The following HNRNPC variants were observed in gnomAD, a reference collection of about 807,000 sequenced individuals.
HNRNPC encodes heterogeneous nuclear ribonucleoproteins C1/C2.
A neutral mutation model predicts 33.2 loss-of-function variants in HNRNPC; 3 were observed. That is an observed-to-expected ratio of 0.09 (90% CI 0.04 to 0.23). The LOEUF (loss-of-function observed/expected upper bound fraction) is 0.23, where lower values mean the gene tolerates loss of function less well. Ranked by LOEUF, HNRNPC falls within the 10% of genes least tolerant of loss-of-function variation. The probability of loss-of-function intolerance (pLI) is 1.00; values close to 1 mark genes in which losing one functional copy is unlikely to be tolerated. For missense variants in HNRNPC, 143 were observed against 366.7 expected, an observed-to-expected ratio of 0.39 and a Z score of 4.98; for synonymous variants, 121 against 126.7, an observed-to-expected ratio of 0.96 and a Z score of 0.30.
At chr14:21,231,435 CAGCCTAGACCTCCGA>C in intron 3 of HNRNPC, 1 of 458,588 alleles carries the variant, frequency 2.2e-6, no homozygotes, top group Non-Finnish European at 4.4e-6. Flanking sequence ...TGGCTCAATA[CAGCCTAGACCTCCGA>C]AGCTCAGGTG....
chr14:21,223,845 G>A (rs1211754991), intron 5 of HNRNPC, among the ~76,000 whole-genome samples: 1 of 152,122 alleles, frequency 6.6e-6, no homozygotes, highest in Non-Finnish European at 1.5e-5. Flanking sequence ...GCACCTATAT[G>A]TATGATACAC....
intron 1 of HNRNPC, among the ~76,000 whole-genome samples, chr14:21,267,931 A>T (rs1251007154): frequency 1.3e-5 from 2 of 152,204 alleles, no homozygotes; most frequent in Non-Finnish European, 2.9e-5. Flanking sequence ...TTCCTGTAAT[A>T]ATATACATGT....
intron 2 of HNRNPC, among the ~76,000 whole-genome samples, chr14:21,236,816 G>T (rs1355150916): frequency 6.6e-6 from 1 of 152,062 alleles, no homozygotes; most frequent in Non-Finnish European, 1.5e-5. Context: ...AGTAGTTTTT[G>T]AATCTCTGAC....
chr14:21,264,970 T>A (rs1248615790), intron 1 of HNRNPC: 1 of 152,094 alleles, frequency 6.6e-6, no homozygotes, highest in Non-Finnish European at 1.5e-5. Flanking sequence ...TGAGCTCTGA[T>A]CACGCCACTG....
Position 21,231,000 on chromosome 14 carries a change from T to C in HNRNPC, c.314A>G (p.Tyr105Cys). Reference sequence around the variant, plus strand: ...AGAAGGGTGTTCTGTTACTGACCCGTACATCTCCGCTGCAGATCGTTTCAC... The same window carrying C: ...AGAAGGGTGTTCTGTTACTGACCCGCACATCTCCGCTGCAGATCGTTTCAC... ...AGVKRSAAEM[Y>C]GSSFDLDYDF... is the part of the protein sequence containing the mutation. The change falls in exon 4 of 9, where the codon TAC (tyrosine) becomes TGC (cysteine). Residue 105 changes from tyrosine (Y) to cysteine (C), a missense_variant. By Grantham distance (194) the Tyr-to-Cys change is radical. Around this residue, in one of 2 missense-constraint regions of HNRNPC, gnomAD observed 131 missense variants for 253.0 expected, o/e 0.52. Transcript: ENST00000553300. 1 of 1,614,188 alleles carries C rather than the reference T, an allele frequency of 6.2e-7. No individual in the cohort carries two copies. The highest frequency in any genetic ancestry group is 8.5e-7 in the Non-Finnish European group (1 of 1,180,030).
At chr14:21,258,768 T>C (rs1377063058) in intron 2 of HNRNPC, among the ~76,000 whole-genome samples, 1 of 152,212 alleles carries the variant, frequency 6.6e-6, no homozygotes, top group Non-Finnish European at 1.5e-5. Context: ...CCTCATCAGT[T>C]CTCAACCTAT....
At position 21,229,085 on chromosome 14, in the gene HNRNPC, T is replaced by A. The variant is rs1463278294; in HGVS notation, c.365+1234A>T. ...GGTGACGAGAGGAAAATTCCGTATT[T>A]AAAAAAAAAAAAAAAAAAAATCAGG... On this transcript the variant is annotated intron_variant, in intron 5 of 8. Transcript: ENST00000553300. Among the ~76,000 whole-genome samples the A allele has an allele frequency of 2.0e-3, 221 of 107,844 alleles. 1 individual carries two copies. Among genetic ancestry groups the A allele is most frequent in the African/African-American group, 6.9e-3 (195 of 28,284 alleles). 70.7% of individuals were successfully genotyped at this position (107,844 alleles called of 152,430 possible). A position where few individuals can be genotyped will look rare whatever the true frequency, so the allele number is the denominator to read the frequency against.
At chr14:21,223,275 A>C (rs758384079) in intron 5 of HNRNPC, among the ~76,000 whole-genome samples, 1 of 152,050 alleles carries the variant, frequency 6.6e-6, no homozygotes, top group Non-Finnish European at 1.5e-5. Context: ...GATTCATAAA[A>C]CACCAGGATA....
intron 2 of HNRNPC, among the ~76,000 whole-genome samples, chr14:21,237,940 T>A (rs1440602904): frequency 6.6e-6 from 1 of 152,078 alleles, no homozygotes; most frequent in Non-Finnish European, 1.5e-5. Flanking sequence ...CCCGGCTAAT[T>A]TTGTATTTTT....
intron 2 of HNRNPC, among the ~76,000 whole-genome samples, chr14:21,248,116 T>C (rs1031071639): frequency 6.6e-6 from 1 of 152,062 alleles, no homozygotes; most frequent in Non-Finnish European, 1.5e-5. Flanking sequence ...AGGTGGGAGA[T>C]TGCTTGAGCC....
chr14:21,268,184 C>T (rs1269848338), intron 1 of HNRNPC, among the ~76,000 whole-genome samples: 1 of 151,894 alleles, frequency 6.6e-6, no homozygotes, highest in Admixed American at 6.6e-5. Context: ...TTTTTTTTAA[C>T]TTTTAAGTTT....
At chr14:21,213,175 C>T in intron 5 of HNRNPC, 58 bp from the exon 6 acceptor site, 1 of 1,510,080 alleles carries the variant, frequency 6.6e-7, no homozygotes. Flanking sequence ...CAGCACAATT[C>T]AACAGACCTT....
chr14:21,268,952 G>T (rs1049151660), intron 1 of HNRNPC, among the ~76,000 whole-genome samples: 3 of 151,894 alleles, frequency 2.0e-5, no homozygotes, highest in Admixed American at 2.0e-4. Flanking sequence ...AGAAGGCATC[G>T]GCGCTACGTT....
chr14:21,243,538 C>A (rs77959973), intron 2 of HNRNPC, among the ~76,000 whole-genome samples: 1 of 152,256 alleles, frequency 6.6e-6, no homozygotes, highest in East Asian at 1.9e-4. Flanking sequence ...AAGATTACAT[C>A]TTTTTTTCTG....
At chr14:21,235,012 A>C (rs1328527460) in intron 2 of HNRNPC, among the ~76,000 whole-genome samples, 1 of 152,216 alleles carries the variant, frequency 6.6e-6, no homozygotes, top group Admixed American at 6.5e-5. Flanking sequence ...CATGAATCAA[A>C]TTAAAGATTG....
chr14:21,268,003 T>C (rs914074878), intron 1 of HNRNPC, among the ~76,000 whole-genome samples: 5 of 152,160 alleles, frequency 3.3e-5, no homozygotes, highest in South Asian at 4.1e-4. Context: ...ATCAAATAGA[T>C]TGCCTTACAG....
intron 1 of HNRNPC, chr14:21,264,906 A>G (rs1207103346): frequency 1.3e-5 from 2 of 152,114 alleles, no homozygotes; most frequent in African/African-American, 4.8e-5. Flanking sequence ...AATCCCAGCT[A>G]CTTAGCAGTC....
rs1418702173 is a variant in HNRNPC, at chr14:21,254,889, T to A, written c.-37+8422A>T. Among the ~76,000 whole-genome samples the A allele has an allele frequency of 2.7e-5, 4 of 147,766 alleles. No homozygotes were observed. In the East Asian group the frequency reaches 7.9e-4, roughly 29 times the overall value. On this transcript the variant is annotated intron_variant, in intron 2 of 8. Transcript: ENST00000553300. ...GTGAGCCAAGATCGTGCCATTGCAC[T>A]CCAGCCTGGGCAACAGAGCGAGACT...
At chr14:21,248,007 A>C (rs930501492) in intron 2 of HNRNPC, among the ~76,000 whole-genome samples, 35 of 149,458 alleles carry the variant, frequency 2.3e-4, no homozygotes, top group African/African-American at 8.5e-4. Context: ...GAAAAAAAAA[A>C]CCCGTATCAT....
Sources: allele counts gnomAD v4.1 joint callset (sites outside exome capture counted in the v4.1 genomes callset), GRCh38; gene constraint gnomAD v4.1.1; regional missense constraint gnomAD v4.1.1; transcripts MANE v1.5; gene names NCBI Gene and HGNC (gene_info 2026-07-23, HGNC 2026-07-21).